Variants in DLGAP4 observed in about 807,000 individuals in gnomAD.
The protein encoded by DLGAP4 is disks large-associated protein 4.
Under a neutral mutation model 86.9 loss-of-function variants are expected in DLGAP4, and 18 were observed. The observed-to-expected ratio is 0.21, with a 90% CI of 0.14 to 0.31. DLGAP4 has a LOEUF of 0.31. Ranked by LOEUF, DLGAP4 falls within the 10% of genes least tolerant of loss-of-function variation. DLGAP4 has a pLI of 1.00. For missense variants in DLGAP4, 1,085 were observed against 1,362.6 expected, an observed-to-expected ratio of 0.80 and a Z score of 3.21; for synonymous variants, 548 against 574.3, an observed-to-expected ratio of 0.95 and a Z score of 0.65.
At chr20:36,368,564 A>T (rs1600441885) in intron 2 of DLGAP4, among the ~76,000 whole-genome samples, 1 of 152,182 alleles carries the variant, frequency 6.6e-6, no homozygotes, top group South Asian at 2.1e-4. Flanking sequence ...GGCTCTCCCG[A>T]CCCAGCTCCT....
intron 7 of DLGAP4, among the ~76,000 whole-genome samples, chr20:36,492,008 A>G (rs574621593): frequency 6.6e-6 from 1 of 152,248 alleles, no homozygotes; most frequent in East Asian, 1.9e-4. Context: ...TCCCAGGTGG[A>G]AGAAGAGACG....
intron 1 of DLGAP4, among the ~76,000 whole-genome samples, chr20:36,329,489 T>C (rs975659544): frequency 1.3e-5 from 2 of 152,200 alleles, no homozygotes; most frequent in Non-Finnish European, 2.9e-5. Flanking sequence ...AGCGCAAACC[T>C]TGTGCCCCTG....
At chr20:36,391,702 G>A (rs983845802) in intron 2 of DLGAP4, among the ~76,000 whole-genome samples, 1 of 152,212 alleles carries the variant, frequency 6.6e-6, no homozygotes, top group Non-Finnish European at 1.5e-5. Context: ...ATGGAACAGC[G>A]CCCACCCTTC....
intron 8 of DLGAP4, chr20:36,499,037 G>A: frequency 1.8e-6 from 1 of 561,616 alleles, no homozygotes; most frequent in Non-Finnish European, 3.2e-6. Flanking sequence ...TCTGAATCTA[G>A]AACTGCCGTC....
chr20:36,366,768 A>G (rs2030702117), intron 1 of DLGAP4, among the ~76,000 whole-genome samples: 1 of 152,188 alleles, frequency 6.6e-6, no homozygotes, highest in Admixed American at 6.5e-5. Flanking sequence ...TTTGGAACCC[A>G]GCTTCCCGAC....
intron 10 of DLGAP4, among the ~76,000 whole-genome samples, chr20:36,510,525 A>G (rs1456423004): frequency 6.6e-6 from 1 of 152,172 alleles, no homozygotes; most frequent in Non-Finnish European, 1.5e-5. Context: ...TCGGCCTCCC[A>G]AAGTGCTGGG....
At chr20:36,471,792 G>A (rs942215618) in intron 7 of DLGAP4, among the ~76,000 whole-genome samples, 1 of 152,228 alleles carries the variant, frequency 6.6e-6, no homozygotes. Flanking sequence ...GGCCAGGTCA[G>A]CCCTCAGGCT....
At chr20:36,505,201 G>T (rs1249642962) in intron 10 of DLGAP4, among the ~76,000 whole-genome samples, 1 of 151,572 alleles carries the variant, frequency 6.6e-6, no homozygotes, top group Non-Finnish European at 1.5e-5. Flanking sequence ...GCTAGCCAGG[G>T]TAGTCTCGAA....
intron 2 of DLGAP4, among the ~76,000 whole-genome samples, chr20:36,425,645 AC>A (rs2032954213): frequency 6.6e-6 from 1 of 152,060 alleles, no homozygotes; most frequent in Non-Finnish European, 1.5e-5. Context: ...AAATGGTGAA[AC>A]CCCGTCTCTA....
At chr20:36,366,112 T>C (rs1409776826) in intron 1 of DLGAP4, among the ~76,000 whole-genome samples, 1 of 152,000 alleles carries the variant, frequency 6.6e-6, no homozygotes, top group Non-Finnish European at 1.5e-5. Flanking sequence ...ATTCGTGGGT[T>C]TTTTGTTTTT....
At position 36,393,588 on chromosome 20, in the gene DLGAP4, C is replaced by G. The variant is rs1219436486; in HGVS notation, c.-73+26313C>G. Among the ~76,000 whole-genome samples the G allele has an allele frequency of 6.6e-6, 1 of 152,102 alleles. No individual in the cohort carries two copies. The highest frequency in any genetic ancestry group is 2.4e-5 in the African/African-American group (1 of 41,400). ...GGGGAGCACAGGGAAGCGAGCCAGC[C>G]GCTGTGGAGACTGACCCAGGCCAGA... On this transcript the variant is annotated intron_variant, in intron 2 of 12. Transcript: ENST00000339266. The surrounding 1 kb of genome is among the most constrained non-coding windows in gnomAD (Gnocchi z 4.4).
chr20:36,483,088 G>T (rs947888663), intron 7 of DLGAP4, among the ~76,000 whole-genome samples: 1 of 152,202 alleles, frequency 6.6e-6, no homozygotes, highest in Non-Finnish European at 1.5e-5. Context: ...GTCCAGGGTG[G>T]GCTGGGGCAG....
At chr20:36,467,800 C>T (rs577126049) in intron 7 of DLGAP4, among the ~76,000 whole-genome samples, 27 of 152,322 alleles carry the variant, frequency 1.8e-4, no homozygotes, top group African/African-American at 6.0e-4. Context: ...ATTTCTTGTA[C>T]ACCTGCTGTT....
At chr20:36,525,142 C>T (rs1347282999) in intron 11 of DLGAP4, among the ~76,000 whole-genome samples, 11 of 134,424 alleles carry the variant, frequency 8.2e-5, no homozygotes, top group East Asian at 7.1e-4. Context: ...GGTGTGAACC[C>T]GGGAGGTGGA....
In DLGAP4 at chr20:36,372,869, G is replaced by A. The variant is rs146089425; in HGVS notation, c.-73+5594G>A. Among the ~76,000 whole-genome samples the A allele has an allele frequency of 5.5e-4, 83 of 152,250 alleles. 1 individual carries two copies. Among genetic ancestry groups the A allele is most frequent in the African/African-American group, 1.7e-3 (70 of 41,540 alleles). On this transcript the variant is annotated intron_variant, in intron 2 of 12. Transcript: ENST00000339266. ...GTTGACATGGAAACTTGTCCATGGCGCATTGTTGGGGAAAAACAGGAGGTT... is the reference window on the plus strand; with the variant it reads ...GTTGACATGGAAACTTGTCCATGGCACATTGTTGGGGAAAAACAGGAGGTT...
At position 36,500,174 on chromosome 20, in the gene DLGAP4, C is replaced by CCCCCCCA; in HGVS notation, c.2100-25_2100-24insCCCCCCA. The CCCCCCCA allele has an allele frequency of 1.3e-6, 2 of 1,513,920 alleles. No homozygotes were observed. The highest frequency in any genetic ancestry group is 1.8e-6 in the Non-Finnish European group (2 of 1,128,208). 93.8% of individuals were successfully genotyped at this position (1,513,920 alleles called of 1,614,324 possible). On this transcript the variant is annotated intron_variant, in intron 9 of 12. Coordinates refer to ENST00000339266, the MANE Select transcript of DLGAP4 (RefSeq NM_001365621.2). This position sits in a 1 kb window ranked among gnomAD's most constrained non-coding sequence, Gnocchi z 4.6. ...TTGGTGACTCACTCCTTCCTGTCCC[C>CCCCCCCA]ACCCCATCCACCCCCTACCCACAGA...
chr20:36,407,527 G>A (rs2032359680), intron 2 of DLGAP4, among the ~76,000 whole-genome samples: 1 of 152,290 alleles, frequency 6.6e-6, no homozygotes, highest in East Asian at 1.9e-4. Context: ...TGCTGGAGGG[G>A]TGACTCAAGC....
chr20:36,499,384 TGCCC>T, intron 8 of DLGAP4, 200 bp from the exon 9 acceptor site: 1 of 883,296 alleles, frequency 1.1e-6, no homozygotes, highest in Non-Finnish European at 1.4e-6. Context: ...CCCGCCCGCC[TGCCC>T]GCCTCCACGC....
intron 1 of DLGAP4, among the ~76,000 whole-genome samples, chr20:36,336,459 T>C (rs1432092277): frequency 6.6e-6 from 1 of 152,226 alleles, no homozygotes; most frequent in African/African-American, 2.4e-5. Context: ...GTTATGCCTA[T>C]GGCTGTGATC....
Sources: allele counts gnomAD v4.1 joint callset (sites outside exome capture counted in the v4.1 genomes callset), GRCh38; gene constraint gnomAD v4.1.1; non-coding constraint Gnocchi (gnomAD v3.1); transcripts MANE v1.5; gene names NCBI Gene and HGNC (gene_info 2026-07-23, HGNC 2026-07-21).